Variants in LDLRAD4 observed in about 807,000 individuals in gnomAD.
LDLRAD4 encodes the protein low-density lipoprotein receptor class A domain-containing protein 4.
A neutral mutation model predicts 17.0 loss-of-function variants in LDLRAD4; 5 were observed. The ratio of observed to expected loss-of-function variants is 0.29; its 90% CI spans 0.15 to 0.62. The LOEUF (loss-of-function observed/expected upper bound fraction) is 0.62, where lower values mean the gene tolerates loss of function less well. Ranked by LOEUF, LDLRAD4 falls within the 20% of genes least tolerant of loss-of-function variation. The pLI is 0.84. For missense variants in LDLRAD4, 340 were observed against 424.7 expected, an observed-to-expected ratio of 0.80 and a Z score of 1.75; for synonymous variants, 168 against 171.8, an observed-to-expected ratio of 0.98 and a Z score of 0.17.
chr18:13,401,007 G>A (rs2087137624), intron 2 of LDLRAD4, among the ~76,000 whole-genome samples: 1 of 152,186 alleles, frequency 6.6e-6, no homozygotes, highest in Non-Finnish European at 1.5e-5. Flanking sequence ...AGGTCCCGTA[G>A]AAAATCAAGT....
At chr18:13,358,594 C>A (rs2083477619) in intron 1 of LDLRAD4, among the ~76,000 whole-genome samples, 1 of 152,034 alleles carries the variant, frequency 6.6e-6, no homozygotes, top group Non-Finnish European at 1.5e-5. Context: ...TGTGATAAAT[C>A]AAATTTATCC....
At chr18:13,603,847 C>T (rs1028339758) in intron 3 of LDLRAD4, among the ~76,000 whole-genome samples, 1 of 152,228 alleles carries the variant, frequency 6.6e-6, no homozygotes, top group African/African-American at 2.4e-5. Context: ...GGGACAAGGG[C>T]GGTTCCTGGC....
At chr18:13,315,020 C>G (rs1363366960) in intron 1 of LDLRAD4, among the ~76,000 whole-genome samples, 1 of 152,142 alleles carries the variant, frequency 6.6e-6, no homozygotes, top group Non-Finnish European at 1.5e-5. Context: ...AGCCAGAAGG[C>G]TATTCTTAAA....
At chr18:13,368,021 C>A (rs1244929653) in intron 1 of LDLRAD4, among the ~76,000 whole-genome samples, 1 of 152,078 alleles carries the variant, frequency 6.6e-6, no homozygotes, top group South Asian at 2.1e-4. Context: ...GACCTGAGAC[C>A]CTGTCTCATA....
Position 13,448,450 on chromosome 18 carries a change from G to A in LDLRAD4, c.181+10066G>A, listed in dbSNP as rs529194872. 1.1e-4 allele frequency among the ~76,000 whole-genome samples: 17 copies of A among 152,260 alleles called. No homozygotes were observed. In the South Asian group the frequency reaches 2.3e-3, roughly 20 times the overall value. ...ACAACTGGCAGAGCTGTAGGAAAGC[G>A]GGTAAAAAAATCCCCAGCGCCTGCC... On this transcript the variant is annotated intron_variant, in intron 3 of 5. Transcript: ENST00000359446.
At chr18:13,364,268 T>A (rs779360565) in intron 1 of LDLRAD4, among the ~76,000 whole-genome samples, 1 of 152,180 alleles carries the variant, frequency 6.6e-6, no homozygotes, top group Non-Finnish European at 1.5e-5. Context: ...TATTTTCCAT[T>A]TTTTTCCCAC....
At chr18:13,282,657 C>A (rs897274460) in intron 1 of LDLRAD4, among the ~76,000 whole-genome samples, 4 of 152,220 alleles carry the variant, frequency 2.6e-5, no homozygotes, top group Non-Finnish European at 5.9e-5. Flanking sequence ...AGCCTTCCTC[C>A]TGGCTGCTTG....
intron 1 of LDLRAD4, among the ~76,000 whole-genome samples, chr18:13,386,368 A>C (rs930102321): frequency 8.6e-6 from 1 of 115,998 alleles, no homozygotes; most frequent in African/African-American, 3.3e-5. Context: ...TTTTATTATT[A>C]TTCTATTTTT....
chr18:13,650,161 C>T (rs2043184889), exon 6 of LDLRAD4: 2 of 398,944 alleles, frequency 5.0e-6, no homozygotes, highest in Admixed American at 8.8e-5. Context: ...TTTTAGGAAC[C>T]AATATTTCAG....
At chr18:13,602,194 A>C (rs1407527555) in intron 3 of LDLRAD4, among the ~76,000 whole-genome samples, 2 of 152,168 alleles carry the variant, frequency 1.3e-5, no homozygotes, top group East Asian at 3.9e-4. Flanking sequence ...GGGCTGAAAA[A>C]CTTCCTATCG....
chr18:13,439,493 C>CTT (rs1033388250), intron 3 of LDLRAD4, among the ~76,000 whole-genome samples: 42 of 152,348 alleles, frequency 2.8e-4, no homozygotes, highest in African/African-American at 9.9e-4. Flanking sequence ...ACCAAGCGCT[C>CTT]TTTGAGTCCC....
chr18:13,262,178 G>A (rs2043879798), intron 1 of LDLRAD4, among the ~76,000 whole-genome samples: 1 of 137,774 alleles, frequency 7.3e-6, no homozygotes, highest in African/African-American at 2.7e-5. Context: ...TGAGTCCCGT[G>A]TGGCCCTGTG....
At chr18:13,348,916 T>C (rs2082871779) in intron 1 of LDLRAD4, among the ~76,000 whole-genome samples, 1 of 152,216 alleles carries the variant, frequency 6.6e-6, no homozygotes, top group Non-Finnish European at 1.5e-5. Flanking sequence ...CTAAGACCAT[T>C]GGAAAAGCGC....
At chr18:13,576,744 T>G (rs1295855305) in intron 3 of LDLRAD4, among the ~76,000 whole-genome samples, 4 of 152,152 alleles carry the variant, frequency 2.6e-5, no homozygotes, top group Non-Finnish European at 5.9e-5. Context: ...ATAGTCATGG[T>G]AAGTGCAGTC....
intron 3 of LDLRAD4, among the ~76,000 whole-genome samples, chr18:13,457,061 C>G (rs2092174738): frequency 6.6e-6 from 1 of 152,230 alleles, no homozygotes; most frequent in Non-Finnish European, 1.5e-5. Context: ...TCCCCACAGC[C>G]CAGCAGTGGA....
intron 1 of LDLRAD4, among the ~76,000 whole-genome samples, chr18:13,283,219 T>A (rs1321135907): frequency 5.3e-5 from 8 of 152,240 alleles, no homozygotes; most frequent in African/African-American, 1.7e-4. Context: ...AGATTAACAT[T>A]AGGCTTCTTG....
intron 3 of LDLRAD4, among the ~76,000 whole-genome samples, chr18:13,619,845 A>G (rs575273216): frequency 1.3e-5 from 2 of 152,166 alleles, no homozygotes; most frequent in Admixed American, 6.5e-5. Context: ...GGCCCTTGGC[A>G]GGTCCACCTG....
chr18:13,582,915 C>G (rs746727063), intron 3 of LDLRAD4, among the ~76,000 whole-genome samples: 4 of 152,214 alleles, frequency 2.6e-5, no homozygotes, highest in Non-Finnish European at 4.4e-5. Context: ...TGGGGTCTTG[C>G]TATGTTGCCC....
At chr18:13,328,709 A>G (rs930040923) in intron 1 of LDLRAD4, among the ~76,000 whole-genome samples, 9 of 152,158 alleles carry the variant, frequency 5.9e-5, no homozygotes, top group Non-Finnish European at 1.2e-4. Context: ...TATACCTTTA[A>G]TTTTTAAAAT....
Sources: allele counts gnomAD v4.1 joint callset (sites outside exome capture counted in the v4.1 genomes callset), GRCh38; gene constraint gnomAD v4.1.1; transcripts MANE v1.5; gene names NCBI Gene and HGNC (gene_info 2026-07-23, HGNC 2026-07-21).